The following CCAR1 variants were observed in gnomAD, a reference collection of about 807,000 sequenced individuals.
CCAR1 encodes cell division cycle and apoptosis regulator 1, also known as cell division cycle and apoptosis regulator protein 1.
A neutral mutation model predicts 163.8 loss-of-function variants in CCAR1; 78 were observed. The ratio of observed to expected loss-of-function variants is 0.48; its 90% CI spans 0.40 to 0.57. The LOEUF is 0.57. CCAR1 is among the 20% of genes least tolerant of loss of function. The pLI, the probability that CCAR1 is intolerant of heterozygous loss-of-function variation, is 0.00. For missense variants in CCAR1, 1,019 were observed against 1,365.2 expected (o/e 0.75, Z 4.00); for synonymous variants, 443 against 460.7 (o/e 0.96, Z 0.49).
At chr10:68,791,180 AT>A in intron 24 of CCAR1, 26 bp from the exon 25 acceptor site, 1 of 1,357,344 alleles carries the variant, frequency 7.4e-7, no homozygotes, top group Non-Finnish European at 1.0e-6. Context: ...AATAAAATGT[AT>A]TTTTTCCTTC....
chr10:68,764,982 T>C (rs975972467), intron 16 of CCAR1, among the ~76,000 whole-genome samples: 2 of 152,232 alleles, frequency 1.3e-5, no homozygotes, highest in Non-Finnish European at 2.9e-5. Flanking sequence ...TGTGTGAATT[T>C]AGATTGTCCG....
chr10:68,747,080 C>T, intron 6 of CCAR1, 81 bp from the exon 7 acceptor site: 1 of 687,390 alleles, frequency 1.5e-6, no homozygotes, highest in South Asian at 2.3e-5. Flanking sequence ...CTTTAAAGTA[C>T]TAACTATGTA....
intron 2 of CCAR1, among the ~76,000 whole-genome samples, chr10:68,724,459 T>C (rs2055911793): frequency 6.6e-6 from 1 of 152,040 alleles, no homozygotes; most frequent in South Asian, 2.1e-4. Flanking sequence ...AGGGAGACTC[T>C]CCCCAAAAAA....
chr10:68,779,849 C>T (rs1314099302), intron 19 of CCAR1, among the ~76,000 whole-genome samples: 2 of 152,150 alleles, frequency 1.3e-5, no homozygotes, highest in African/African-American at 4.8e-5. Context: ...AAATTCTGTG[C>T]ACCCATTGAA....
At chr10:68,727,217 C>T (rs565684905) in intron 2 of CCAR1, among the ~76,000 whole-genome samples, 49 of 151,276 alleles carry the variant, frequency 3.2e-4, no homozygotes, top group Middle Eastern at 3.4e-3. Flanking sequence ...ACTACAGGCG[C>T]GTGCCACCAC....
chr10:68,755,240 T>A, intron 12 of CCAR1, 130 bp from the exon 13 acceptor site: 1 of 854,538 alleles, frequency 1.2e-6, no homozygotes, highest in Non-Finnish European at 2.0e-6. Flanking sequence ...ACTGAACTCT[T>A]CCTTGACTGA....
chr10:68,742,757 A>C (rs2056198558), intron 6 of CCAR1, among the ~76,000 whole-genome samples, 188 bp downstream of exon 6: 1 of 151,990 alleles, frequency 6.6e-6, no homozygotes, highest in Non-Finnish European at 1.5e-5. Context: ...CTGGGATGAC[A>C]GGCGTGCACC....
intron 2 of CCAR1, among the ~76,000 whole-genome samples, chr10:68,735,434 T>C (rs1481142171): frequency 7.0e-6 from 1 of 143,682 alleles, no homozygotes; most frequent in Non-Finnish European, 1.5e-5. Flanking sequence ...AAATCCCTCA[T>C]AGGATTATGG....
Position 68,756,388 on chromosome 10 carries a change from C to T in CCAR1, c.1741C>T (p.Pro581Ser), listed in dbSNP as rs376603370. The change falls in exon 14 of 25, where the codon CCC (proline) becomes TCC (serine). Residue 581 changes from proline (P) to serine (S), a missense_variant. Coordinates refer to ENST00000265872, the MANE Select transcript of CCAR1 (RefSeq NM_018237.4). This position sits in a 1 kb window ranked among gnomAD's most constrained non-coding sequence, Gnocchi z 5.1. The part of the protein sequence containing the change: ...LFFPDVWHCL[P>S]TRSEWETLSR... ...TTTCCCGGATGTTTGGCATTGCCTT[C>T]CCACCCGCTCAGAGTGGGAAACCCT... 28 of 1,613,894 alleles carry T rather than the reference C, an allele frequency of 1.7e-5. No individual in the cohort carries two copies. Among genetic ancestry groups the T allele is most frequent in the African/African-American group, 2.7e-5 (2 of 74,890 alleles).
At chr10:68,766,880 T>C (rs2056542378) in intron 17 of CCAR1, among the ~76,000 whole-genome samples, 1 of 152,142 alleles carries the variant, frequency 6.6e-6, no homozygotes, top group Non-Finnish European at 1.5e-5. Context: ...TTTGTTGTAG[T>C]CTACTTCTTG....
chr10:68,729,570 T>C (rs925752986), intron 2 of CCAR1, among the ~76,000 whole-genome samples: 3 of 151,900 alleles, frequency 2.0e-5, no homozygotes, highest in African/African-American at 7.2e-5. Flanking sequence ...CGCCCGGCTC[T>C]TGGTGACTTA....
chr10:68,790,658 A>G (rs576585837), intron 24 of CCAR1, among the ~76,000 whole-genome samples: 159 of 152,004 alleles, frequency 1.0e-3, no homozygotes, highest in African/African-American at 3.7e-3. Context: ...CCTCCTGATG[A>G]GCTGGGACTA....
In CCAR1 at chr10:68,735,697, C is replaced by T. The variant is rs937363700; in HGVS notation, c.74-1179C>T. ...TTGGAATTACAGACATGAGCTGCCT[C>T]GTCCAGCCTACATTTTTTTCTTCAA... On this transcript the variant is annotated intron_variant, in intron 2 of 24. Transcript: ENST00000265872. The T allele has an allele frequency of 2.6e-5, 4 of 152,098 alleles. No homozygotes were observed. In the South Asian group the frequency reaches 6.2e-4, roughly 24 times the overall value. The allele number at this position is 152,098 out of a possible 1,614,324, so 9.4% of individuals were successfully genotyped here.
At chr10:68,786,905 C>T (rs2056801317) in intron 21 of CCAR1, 2 of 380,494 alleles carry the variant, frequency 5.3e-6, no homozygotes, top group East Asian at 5.6e-5. Context: ...GCCAACATGG[C>T]GTAGCTCCGT....
At chr10:68,777,904 C>T (rs1427793035) in intron 19 of CCAR1, among the ~76,000 whole-genome samples, 1 of 152,084 alleles carries the variant, frequency 6.6e-6, no homozygotes, top group Non-Finnish European at 1.5e-5. Context: ...TGCACTCCAG[C>T]CTCGACAATA....
At chr10:68,721,470 C>T (rs2055854970) in intron 1 of CCAR1, 188 bp downstream of exon 1, 1 of 386,420 alleles carries the variant, frequency 2.6e-6, no homozygotes, top group Non-Finnish European at 5.1e-6. Flanking sequence ...CGGAGCAGGC[C>T]CGGCGCGGCC....
chr10:68,765,708 C>G (rs2056527590), intron 16 of CCAR1, among the ~76,000 whole-genome samples, 180 bp from the exon 17 acceptor site: 1 of 152,102 alleles, frequency 6.6e-6, no homozygotes, highest in Admixed American at 6.6e-5. Flanking sequence ...GCTTACTACT[C>G]TTAGTGAATT....
At position 68,758,616 on chromosome 10, in the gene CCAR1, TATATATATATATATGTATATATACACAC is replaced by T. The variant is rs1268249491; in HGVS notation, c.1920+1240_1920+1267del. Among the ~76,000 whole-genome samples, 76 of 84,550 alleles carry T rather than the reference TATATATATATATATGTATATATACACAC, an allele frequency of 9.0e-4. No individual in the cohort carries two copies. The South Asian group carries it at 0.018, about 20-fold the overall frequency. 55.5% of individuals were successfully genotyped at this position (84,550 alleles called of 152,430 possible). ...ACACACACATATATATACGTGTGTG[TATATATATATATATGTATATATACACAC>T]GTGTATATATATATATATGTATATA... On this transcript the variant is annotated intron_variant, in intron 15 of 24. Coordinates refer to ENST00000265872, the MANE Select transcript of CCAR1 (RefSeq NM_018237.4).
chr10:68,743,577 C>G (rs1470177598), intron 6 of CCAR1, among the ~76,000 whole-genome samples: 1 of 151,750 alleles, frequency 6.6e-6, no homozygotes, highest in African/African-American at 2.4e-5. Context: ...CAGTCTCATT[C>G]TGTCACCCAG....
Sources: allele counts gnomAD v4.1 joint callset (sites outside exome capture counted in the v4.1 genomes callset), GRCh38; gene constraint gnomAD v4.1.1; non-coding constraint Gnocchi (gnomAD v3.1); transcripts MANE v1.5; gene names NCBI Gene and HGNC (gene_info 2026-07-23, HGNC 2026-07-21).